The following NME8 variants were observed in gnomAD, a reference collection of about 807,000 sequenced individuals.
NME8 encodes the protein protein NME8.
NME8 carries 72 observed loss-of-function variants against 82.3 expected under a neutral mutation model. That is an observed-to-expected ratio of 0.87 (90% confidence interval 0.72 to 1.06). NME8 has a LOEUF of 1.06. Among genes scored for constraint, NME8 ranks in the 50% least tolerant of loss-of-function variants. The pLI is 0.00. For missense variants in NME8, 712 were observed against 685.4 expected (o/e 1.04, Z -0.43); for synonymous variants, 267 against 228.5 (o/e 1.17, Z -1.52).
chr7:37,894,863 T>C lies in NME8; in HGVS notation c.1544+253T>C, dbSNP rs41279567. Among the ~76,000 whole-genome samples, 4,830 of 151,562 alleles carry C rather than the reference T, an allele frequency of 0.032. 151 individuals carry two copies. Among genetic ancestry groups the C allele is most frequent in the East Asian group, 0.18 (948 of 5,142 alleles). ...TCCTTCCTACTTTCCTTTCTCCCTT[T>C]CCTTCCCTTCCCTTCCCTTTCCTTT... On this transcript the variant is annotated intron_variant, in intron 16 of 17. Transcript: ENST00000199447.
chr7:37,889,492 C>T (rs1231329456), intron 15 of NME8, among the ~76,000 whole-genome samples: 1 of 151,594 alleles, frequency 6.6e-6, no homozygotes, highest in Non-Finnish European at 1.5e-5. Context: ...TAAGGTTATA[C>T]ATTTTCCTTT....
At chr7:37,863,537 C>A in intron 8 of NME8, 75 bp downstream of exon 8, 2 of 819,286 alleles carry the variant, frequency 2.4e-6, no homozygotes, top group Non-Finnish European at 4.4e-6. Flanking sequence ...CTTGTTTCAG[C>A]AAAACACTGG....
At chr7:37,884,973 A>G (rs1418447789) in intron 13 of NME8, among the ~76,000 whole-genome samples, 172 bp from the exon 14 acceptor site, 1 of 152,218 alleles carries the variant, frequency 6.6e-6, no homozygotes, top group Non-Finnish European at 1.5e-5. Flanking sequence ...TCTTTTATAG[A>G]TATGCTCTTG....
chr7:37,882,744 TGCAATTGCTAG>T (rs1784983417), intron 12 of NME8, among the ~76,000 whole-genome samples: 1 of 152,212 alleles, frequency 6.6e-6, no homozygotes. Context: ...GAAACTTCTA[TGCAATTGCTAG>T]ACACCTTTAT....
chr7:37,865,771 A>C (rs1784667675), intron 10 of NME8, among the ~76,000 whole-genome samples, 154 bp downstream of exon 10: 1 of 152,190 alleles, frequency 6.6e-6, no homozygotes, highest in Non-Finnish European at 1.5e-5. Flanking sequence ...TGGAGATGCC[A>C]ATGATAGTGG....
intron 17 of NME8, among the ~76,000 whole-genome samples, 173 bp downstream of exon 17, chr7:37,897,280 C>T (rs1785244316): frequency 6.6e-6 from 1 of 152,112 alleles, no homozygotes; most frequent in Non-Finnish European, 1.5e-5. Context: ...AAAGCTGAAC[C>T]TTGTAGATGC....
At chr7:37,858,779 C>T (rs1784551930) in intron 6 of NME8, among the ~76,000 whole-genome samples, 2 of 152,078 alleles carry the variant, frequency 1.3e-5, no homozygotes, top group Non-Finnish European at 2.9e-5. Flanking sequence ...ATATTTGTTT[C>T]CTCCAAATCT....
In NME8 at chr7:37,850,657, A is replaced by T; in HGVS notation, c.120A>T (p.Gly40=). The T allele has an allele frequency of 6.2e-7, 1 of 1,612,900 alleles. No individual in the cohort carries two copies. Among genetic ancestry groups the T allele is most frequent in the Non-Finnish European group, 8.5e-7 (1 of 1,178,842 alleles). ...TVIDVYQAWC[G]PCRAMQPLFR... is the part of the protein sequence containing the mutation. ...TTGATGTTTACCAAGCCTGGTGTGG[A>T]CCTTGCAGAGCAATGCAACCTTTAT... The change falls in exon 5 of 18, where the codon GGA becomes GGT. Residue 40 remains glycine (G), a synonymous_variant. Transcript: ENST00000199447.
At chr7:37,863,161 C>T (rs1784623040) in intron 7 of NME8, among the ~76,000 whole-genome samples, 1 of 152,050 alleles carries the variant, frequency 6.6e-6, no homozygotes, top group South Asian at 2.1e-4. Context: ...AGGTTTGCTA[C>T]CCTTTTCATA....
At chr7:37,858,855 C>T (rs141195208) in intron 6 of NME8, among the ~76,000 whole-genome samples, 234 of 152,196 alleles carry the variant, frequency 1.5e-3, no homozygotes, top group African/African-American at 5.4e-3. Flanking sequence ...GTCATTGGGG[C>T]GGATGCCTCA....
intron 16 of NME8, 85 bp from the exon 17 acceptor site, chr7:37,896,785 G>A: frequency 8.7e-7 from 1 of 1,151,538 alleles, no homozygotes; most frequent in Non-Finnish European, 1.3e-6. Context: ...CCCTGGCTCA[G>A]GCTGCAGTGT....
intron 17 of NME8, among the ~76,000 whole-genome samples, chr7:37,897,752 G>C (rs946733369): frequency 2.6e-5 from 4 of 151,230 alleles, no homozygotes; most frequent in African/African-American, 9.7e-5. Context: ...ACTTATGAGT[G>C]AGAACATGTA....
chr7:37,879,588 G>A (rs1019830533), intron 12 of NME8, among the ~76,000 whole-genome samples: 15 of 152,154 alleles, frequency 9.9e-5, no homozygotes, highest in South Asian at 2.1e-4. Flanking sequence ...GTTTATTTGT[G>A]TAGTTACCTA....
At chr7:37,850,522 A>G (rs1476871232) in intron 4 of NME8, 87 bp downstream of exon 4, 30 of 1,554,520 alleles carry the variant, frequency 1.9e-5, no homozygotes, top group Non-Finnish European at 2.5e-5. Context: ...CCCCACTTTG[A>G]CCAAGAAATC....
intron 9 of NME8, among the ~76,000 whole-genome samples, 159 bp downstream of exon 9, chr7:37,864,580 G>A (rs1583630733): frequency 6.6e-6 from 1 of 152,194 alleles, no homozygotes; most frequent in East Asian, 1.9e-4. Context: ...GTCTTTACAA[G>A]GCTCGATCTA....
At chr7:37,861,825 G>A (rs960061009) in intron 6 of NME8, among the ~76,000 whole-genome samples, 2 of 152,164 alleles carry the variant, frequency 1.3e-5, no homozygotes, top group Non-Finnish European at 2.9e-5. Flanking sequence ...ATTGGAGGTA[G>A]AACTCAAAGA....
At position 37,862,001 on chromosome 7, in the gene NME8, C is replaced by T. The variant is rs117149381; in HGVS notation, c.271-27C>T. 29,416 of 1,407,586 alleles carry T rather than the reference C, an allele frequency of 0.021. 392 individuals carry two copies. Among genetic ancestry groups the T allele is most frequent in the Non-Finnish European group, 0.024 (24,167 of 991,788 alleles). The allele number at this position is 1,407,586 out of a possible 1,614,324, so 87.2% of individuals were successfully genotyped here. A position where few individuals can be genotyped will look rare whatever the true frequency, so the allele number is the denominator to read the frequency against. The stretch of plus-strand genomic sequence containing the variant: ...TTGGTGTGTTCTCCAAATGAAAGTT[C>T]CCCTCCTGTTTTCATTTCCCTTATA... On this transcript the variant is annotated intron_variant, in intron 6 of 17. Transcript: ENST00000199447.
At chr7:37,896,171 G>A (rs964801537) in intron 16 of NME8, among the ~76,000 whole-genome samples, 3 of 152,156 alleles carry the variant, frequency 2.0e-5, no homozygotes, top group African/African-American at 2.4e-5. Context: ...AAAATTTAAT[G>A]GAATATATGT....
chr7:37,868,912 T>G lies in NME8; in HGVS notation c.818+1014T>G, dbSNP rs567119426. Among the ~76,000 whole-genome samples the G allele has an allele frequency of 1.7e-4, 26 of 152,336 alleles. No individual in the cohort carries two copies. In the East Asian group the frequency reaches 5.0e-3, roughly 29 times the overall value. ...AATGTTGGTTTTATGCGCTGCTGTT[T>G]GCGCCTGTTATTCCTCTGAAGACTC... On this transcript the variant is annotated intron_variant, in intron 11 of 17. Coordinates refer to ENST00000199447, the MANE Select transcript of NME8 (RefSeq NM_016616.5).
Sources: allele counts gnomAD v4.1 joint callset (sites outside exome capture counted in the v4.1 genomes callset), GRCh38; gene constraint gnomAD v4.1.1; transcripts MANE v1.5; gene names NCBI Gene and HGNC (gene_info 2026-07-23, HGNC 2026-07-21).